The following PTPRN2 variants were observed in gnomAD, a reference collection of about 807,000 sequenced individuals.
PTPRN2 encodes the protein receptor-type tyrosine-protein phosphatase N2.
In PTPRN2, 74 loss-of-function variants were observed where a neutral mutation model predicts 118.8. The observed-to-expected ratio is 0.62, with a 90% CI of 0.52 to 0.76. The LOEUF (loss-of-function observed/expected upper bound fraction) is 0.76, where lower values mean the gene tolerates loss of function less well. Among genes scored for constraint, PTPRN2 ranks in the 30% least tolerant of loss-of-function variants. The pLI, the probability that PTPRN2 is intolerant of heterozygous loss-of-function variation, is 0.00. For missense variants in PTPRN2, 1,481 were observed against 1,394.4 expected (o/e 1.06, Z -0.99); for synonymous variants, 641 against 608.0 (o/e 1.05, Z -0.80).
At chr7:158,419,291 C>T (rs958016600) in intron 2 of PTPRN2, among the ~76,000 whole-genome samples, 2 of 84,164 alleles carry the variant, frequency 2.4e-5, no homozygotes, top group Non-Finnish European at 5.8e-5. Context: ...TGACATCAAG[C>T]ATTTTTGGCC....
chr7:158,535,753 T>C (rs1431833890), intron 1 of PTPRN2, among the ~76,000 whole-genome samples: 1 of 151,826 alleles, frequency 6.6e-6, no homozygotes, highest in East Asian at 1.9e-4. Flanking sequence ...TGATTGTTTT[T>C]ACATAAAGTG....
At chr7:158,500,460 GA>G (rs1347252547) in intron 1 of PTPRN2, among the ~76,000 whole-genome samples, 1 of 152,224 alleles carries the variant, frequency 6.6e-6, no homozygotes, top group African/African-American at 2.4e-5. Context: ...GTCCCCCAGG[GA>G]ATTAGCAAGT....
intron 16 of PTPRN2, among the ~76,000 whole-genome samples, chr7:157,601,103 A>G (rs1487160517): frequency 2.0e-5 from 3 of 152,206 alleles, no homozygotes; most frequent in Admixed American, 1.3e-4. Context: ...TGGTGTCCTC[A>G]GTAATAATCA....
At chr7:157,620,007 T>A (rs558943030) in intron 15 of PTPRN2, among the ~76,000 whole-genome samples, 1 of 152,326 alleles carries the variant, frequency 6.6e-6, no homozygotes, top group African/African-American at 2.4e-5. Context: ...GCTCTCGAAG[T>A]GTGAGCTGAC....
At chr7:158,302,543 T>C (rs535087991) in intron 3 of PTPRN2, among the ~76,000 whole-genome samples, 16 of 152,374 alleles carry the variant, frequency 1.1e-4, no homozygotes, top group African/African-American at 3.6e-4. Context: ...ACCGACTGCA[T>C]GCAAATCTCT....
intron 11 of PTPRN2, among the ~76,000 whole-genome samples, chr7:158,071,696 T>TGGTGGAGGTGCTCCTG (rs1563392933): frequency 4.9e-5 from 2 of 40,990 alleles, no homozygotes; most frequent in African/African-American, 1.6e-4. Context: ...TGGAGGTGCT[T>TGGTGGAGGTGCTCCTG]GTGGTGGAGG....
chr7:157,910,833 G>A (rs1315659110), intron 11 of PTPRN2, among the ~76,000 whole-genome samples: 1 of 152,256 alleles, frequency 6.6e-6, no homozygotes, highest in Admixed American at 6.5e-5. Flanking sequence ...ATGTTTTGAT[G>A]TTAATCATTT....
At chr7:158,216,604 T>C (rs893246090) in intron 3 of PTPRN2, among the ~76,000 whole-genome samples, 1 of 151,830 alleles carries the variant, frequency 6.6e-6, no homozygotes, top group African/African-American at 2.4e-5. Flanking sequence ...GTAAAGAAAA[T>C]GGCTACAGAG....
At chr7:158,338,234 G>C in intron 2 of PTPRN2, among the ~76,000 whole-genome samples, 1 of 78,440 alleles carries the variant, frequency 1.3e-5, no homozygotes, top group Non-Finnish European at 2.5e-5. Context: ...CATAATAGCT[G>C]TCGTCCGGAG....
rs1800914689 is a variant in PTPRN2 at position 157,590,389 on chromosome 7, T to C, written c.2496+4849A>G. Among the ~76,000 whole-genome samples, 1 of 152,222 alleles carries C rather than the reference T, an allele frequency of 6.6e-6. No individual in the cohort carries two copies. The highest frequency in any genetic ancestry group is 2.4e-5 in the African/African-American group (1 of 41,464). On this transcript the variant is annotated intron_variant, in intron 17 of 22. Coordinates refer to ENST00000389418, the MANE Select transcript of PTPRN2 (RefSeq NM_002847.5). The surrounding 1 kb of genome is among the most constrained non-coding windows in gnomAD (Gnocchi z 4.0). ...AGTAAGGACCAGGAATTCAGCCGAATGATTTGGAGAGCACTCACAGACAAG... is the reference window on the plus strand; with the variant it reads ...AGTAAGGACCAGGAATTCAGCCGAACGATTTGGAGAGCACTCACAGACAAG...
At chr7:158,122,491 T>C (rs1256339487) in intron 9 of PTPRN2, among the ~76,000 whole-genome samples, 1 of 152,136 alleles carries the variant, frequency 6.6e-6, no homozygotes, top group Non-Finnish European at 1.5e-5. Context: ...GGTGGACGCA[T>C]GAGCAGAAAA....
intron 2 of PTPRN2, among the ~76,000 whole-genome samples, chr7:158,323,848 C>T (rs1175712704): frequency 6.6e-6 from 1 of 152,182 alleles, no homozygotes; most frequent in African/African-American, 2.4e-5. Flanking sequence ...GTACACGGTG[C>T]ATGTATGCAC....
intron 12 of PTPRN2, among the ~76,000 whole-genome samples, chr7:157,776,618 C>CT (rs1247446359): frequency 1 from 8 of 8 alleles, 4 homozygotes; most frequent in Non-Finnish European, 1. Flanking sequence ...TCCTCCCTAC[C>CT]TCTCCACTCC....
chr7:158,164,044 C>T (rs1044707266), intron 6 of PTPRN2, among the ~76,000 whole-genome samples: 3 of 152,222 alleles, frequency 2.0e-5, no homozygotes, highest in African/African-American at 7.2e-5. Flanking sequence ...CGCAGGGTAG[C>T]TCAGGAAGAA....
At chr7:158,128,756 A>T (rs1363972052) in intron 9 of PTPRN2, among the ~76,000 whole-genome samples, 1 of 152,052 alleles carries the variant, frequency 6.6e-6, no homozygotes, top group Non-Finnish European at 1.5e-5. Context: ...AAAGCCCTTA[A>T]AATGACCAGA....
chr7:158,441,680 ATGG>A (rs200943441), intron 2 of PTPRN2, among the ~76,000 whole-genome samples: 2 of 97,348 alleles, frequency 2.1e-5, no homozygotes, highest in South Asian at 3.6e-4. Context: ...GTGATCAGTG[ATGG>A]TGGTGGTGAT....
At chr7:158,376,438 G>A (rs1454031751) in intron 2 of PTPRN2, among the ~76,000 whole-genome samples, 1 of 148,846 alleles carries the variant, frequency 6.7e-6, no homozygotes, top group East Asian at 2.0e-4. Context: ...TGAGGGAGGG[G>A]TTCAGGGGAC....
At chr7:158,478,522 G>T (rs771263448) in intron 2 of PTPRN2, among the ~76,000 whole-genome samples, 1 of 152,172 alleles carries the variant, frequency 6.6e-6, no homozygotes, top group Non-Finnish European at 1.5e-5. Context: ...ACAAGGGCAT[G>T]GGAAAGAAAG....
intron 21 of PTPRN2, among the ~76,000 whole-genome samples, chr7:157,553,872 G>A (rs1208879373): frequency 2.6e-5 from 4 of 152,222 alleles, no homozygotes; most frequent in Admixed American, 2.0e-4. Flanking sequence ...GCCCATGCAT[G>A]AGATCTTTCA....
Sources: allele counts gnomAD v4.1 joint callset (sites outside exome capture counted in the v4.1 genomes callset), GRCh38; gene constraint gnomAD v4.1.1; non-coding constraint Gnocchi (gnomAD v3.1); transcripts MANE v1.5; gene names NCBI Gene and HGNC (gene_info 2026-07-23, HGNC 2026-07-21).